The following IMMP2L variants were observed in gnomAD, a reference collection of about 807,000 sequenced individuals.
IMMP2L encodes inner mitochondrial membrane peptidase subunit 2.
In IMMP2L, 18 loss-of-function variants were observed where a neutral mutation model predicts 19.3. The ratio of observed to expected loss-of-function variants is 0.93; its 90% confidence interval spans 0.64 to 1.38. The LOEUF is 1.38. IMMP2L is among the 40% of genes most tolerant of loss of function. The pLI is 0.00. For missense variants in IMMP2L, 233 were observed against 218.2 expected, an observed-to-expected ratio of 1.07 and a Z score of -0.43; for synonymous variants, 76 against 73.0, an observed-to-expected ratio of 1.04 and a Z score of -0.21.
intron 3 of IMMP2L, among the ~76,000 whole-genome samples, chr7:111,402,868 G>A (rs1055700888): frequency 1.3e-5 from 2 of 150,702 alleles, no homozygotes; most frequent in South Asian, 2.1e-4. Flanking sequence ...CATAGTCCAC[G>A]AACACATTAT....
At chr7:110,795,944 G>A (rs1800835268) in intron 5 of IMMP2L, among the ~76,000 whole-genome samples, 1 of 152,024 alleles carries the variant, frequency 6.6e-6, no homozygotes, top group African/African-American at 2.4e-5. Flanking sequence ...TTGAATTGTA[G>A]TTCCCATAAT....
intron 3 of IMMP2L, among the ~76,000 whole-genome samples, chr7:111,054,844 T>G (rs767255015): frequency 6.6e-6 from 1 of 152,188 alleles, no homozygotes; most frequent in Non-Finnish European, 1.5e-5. Context: ...CCCGATGTGA[T>G]AAATTTAAAG....
intron 3 of IMMP2L, among the ~76,000 whole-genome samples, chr7:111,396,715 A>G (rs1832902747): frequency 6.6e-6 from 1 of 152,208 alleles, no homozygotes; most frequent in Admixed American, 6.5e-5. Flanking sequence ...ATATGTATAT[A>G]TACAATACTA....
At chr7:111,016,043 A>T (rs1327580059) in intron 3 of IMMP2L, among the ~76,000 whole-genome samples, 1 of 152,150 alleles carries the variant, frequency 6.6e-6, no homozygotes, top group Non-Finnish European at 1.5e-5. Flanking sequence ...TTATGCTAAG[A>T]ACAATGGCAT....
chr7:111,105,825 T>G (rs1586301421), intron 3 of IMMP2L, among the ~76,000 whole-genome samples: 1 of 152,036 alleles, frequency 6.6e-6, no homozygotes, highest in Non-Finnish European at 1.5e-5. Flanking sequence ...CACATGAATG[T>G]GATAGGGCCA....
intron 4 of IMMP2L, among the ~76,000 whole-genome samples, chr7:110,927,393 A>C (rs1563086574): frequency 6.6e-6 from 1 of 152,154 alleles, no homozygotes; most frequent in Non-Finnish European, 1.5e-5. Context: ...AATATGTTAC[A>C]TTACATGGCA....
chr7:111,109,809 T>G (rs1798981735), intron 3 of IMMP2L, among the ~76,000 whole-genome samples: 1 of 152,138 alleles, frequency 6.6e-6, no homozygotes, highest in Non-Finnish European at 1.5e-5. Context: ...TGTTATATGA[T>G]GGAAAACTGA....
Position 110,883,443 on chromosome 7 carries a change from G to C in IMMP2L, c.408+3150C>G, listed in dbSNP as rs80196009. On this transcript the variant is annotated intron_variant, in intron 5 of 5. Transcript: ENST00000405709. ...TAAGGTATCAATGAAAAAAGTGATT[G>C]AATTAGCTCTTTTCCAAATGACTTG... 2.2e-3 allele frequency among the ~76,000 whole-genome samples: 338 copies of C among 152,222 alleles called. 1 individual carries two copies. The highest frequency in any genetic ancestry group is 7.5e-3 in the African/African-American group (310 of 41,556).
At chr7:110,972,920 C>G (rs1288505854) in intron 3 of IMMP2L, among the ~76,000 whole-genome samples, 1 of 152,062 alleles carries the variant, frequency 6.6e-6, no homozygotes, top group Non-Finnish European at 1.5e-5. Flanking sequence ...TGCTGTTACT[C>G]ACTCTTCCTA....
At chr7:111,426,206 A>G (rs1257891307) in intron 3 of IMMP2L, among the ~76,000 whole-genome samples, 1 of 151,084 alleles carries the variant, frequency 6.6e-6, no homozygotes, top group Non-Finnish European at 1.5e-5. Flanking sequence ...CTTCTCAAAT[A>G]TGTCAAAATA....
intron 5 of IMMP2L, among the ~76,000 whole-genome samples, chr7:110,717,401 C>G: frequency 6.6e-6 from 1 of 152,192 alleles, no homozygotes; most frequent in Non-Finnish European, 1.5e-5. Flanking sequence ...GGAGGCGGAG[C>G]TTGCAGTGAG....
chr7:111,060,555 T>A (rs923725438), intron 3 of IMMP2L, among the ~76,000 whole-genome samples: 3 of 152,144 alleles, frequency 2.0e-5, no homozygotes, highest in African/African-American at 7.2e-5. Flanking sequence ...GCTGGTTGAG[T>A]TCTGGCTCCA....
intron 4 of IMMP2L, among the ~76,000 whole-genome samples, chr7:110,961,432 GT>G (rs59745560): frequency 0.64 from 90,481 of 141,014 alleles, 28,474 homozygotes; most frequent in African/African-American, 0.68. Flanking sequence ...AAAAGTCTGT[GT>G]TTTTTTTTTT....
chr7:111,349,481 C>CATCAGG (rs1276363259), intron 3 of IMMP2L, among the ~76,000 whole-genome samples: 2 of 152,156 alleles, frequency 1.3e-5, no homozygotes, highest in African/African-American at 4.8e-5. Context: ...AGTTAATTTA[C>CATCAGG]ATCAGGTGCC....
chr7:111,539,196 GAGAAAGAAAGAAAGAA>G (rs56749626), intron 1 of IMMP2L, among the ~76,000 whole-genome samples: 1,829 of 29,844 alleles, frequency 0.061, 153 homozygotes, highest in Middle Eastern at 0.09. Flanking sequence ...AGGAAGGAGG[GAGAAAGAAAGAAAGAA>G]AGAAAGAAAG....
intron 3 of IMMP2L, among the ~76,000 whole-genome samples, chr7:111,305,196 G>T (rs1389370879): frequency 1.3e-5 from 2 of 152,000 alleles, no homozygotes; most frequent in Non-Finnish European, 2.9e-5. Context: ...AGAAGAGTAC[G>T]AGCAGAGTTG....
Position 111,159,096 on chromosome 7 carries a change from G to A in IMMP2L, c.240-195531C>T, listed in dbSNP as rs571942727. Among the ~76,000 whole-genome samples the A allele has an allele frequency of 2.0e-5, 3 of 152,010 alleles. No individual in the cohort carries two copies. In the East Asian group the frequency reaches 5.8e-4, roughly 29 times the overall value. Reference sequence around the variant, plus strand: ...CATTCTACTAAGAAAGGGTATTTTCGGTTCAAGTTGATGCTGATGATTTTA... The same window carrying A: ...CATTCTACTAAGAAAGGGTATTTTCAGTTCAAGTTGATGCTGATGATTTTA... On this transcript the variant is annotated intron_variant, in intron 3 of 5. Coordinates refer to ENST00000405709, the MANE Select transcript of IMMP2L (RefSeq NM_032549.4).
intron 3 of IMMP2L, among the ~76,000 whole-genome samples, chr7:111,232,841 T>G (rs1813862685): frequency 6.6e-6 from 1 of 152,140 alleles, no homozygotes; most frequent in Admixed American, 6.6e-5. Flanking sequence ...ATACACACTG[T>G]AAGCCAACAA....
intron 5 of IMMP2L, among the ~76,000 whole-genome samples, chr7:110,845,692 A>G (rs1371844275): frequency 6.6e-6 from 1 of 152,042 alleles, no homozygotes. Context: ...CTTCATCACA[A>G]ACTGTCTTCT....
Sources: gnomAD v4.1 joint callset for allele counts (sites outside exome capture counted in the v4.1 genomes callset) on GRCh38, gnomAD v4.1.1 for gene constraint, MANE v1.5 for transcripts, NCBI Gene and HGNC (gene_info 2026-07-23, HGNC 2026-07-21) for gene names.